Variants in NLRC3 observed in about 807,000 individuals in gnomAD.
NLRC3 encodes NLR family CARD domain containing 3, also known as NLR family CARD domain-containing protein 3.
Under a neutral mutation model 91.6 loss-of-function variants are expected in NLRC3, and 87 were observed. The observed-to-expected ratio is 0.95, with a 90% CI of 0.80 to 1.14. The LOEUF is 1.14. Ranked by LOEUF, NLRC3 falls within the 50% of genes most tolerant of loss-of-function variation. The pLI is 0.00. For synonymous variants in NLRC3, 694 were observed against 625.3 expected, an observed-to-expected ratio of 1.11 and a Z score of -1.64; for missense variants, 1,577 against 1,418.6, an observed-to-expected ratio of 1.11 and a Z score of -1.79.
chr16:3,562,216 G>A (rs1207623376), intron 5 of NLRC3, among the ~76,000 whole-genome samples: 2 of 152,220 alleles, frequency 1.3e-5, no homozygotes, highest in Admixed American at 1.3e-4. Flanking sequence ...AAGATATGAA[G>A]TCCTAACCCC....
At position 3,577,346 on chromosome 16, in the gene NLRC3, C is replaced by T; in HGVS notation, c.-366G>A. On this transcript the variant is annotated 5_prime_UTR_variant, in exon 1 of 20. Transcript: ENST00000359128. ...CAACCAACCGTGTGGGGGCCGAGAG[C>T]AGTGCAGCCCCGACCTTCTGCAGCC... 1.6e-6 allele frequency: 1 copy of T among 611,170 alleles called. No individual in the cohort carries two copies. The highest frequency in any genetic ancestry group is 2.7e-5 in the Admixed American group (1 of 36,734). The allele number at this position is 611,170 out of a possible 1,614,324, so 37.9% of individuals were successfully genotyped here.
chr16:3,572,789 G>C (rs2040145084), intron 1 of NLRC3, among the ~76,000 whole-genome samples: 1 of 152,106 alleles, frequency 6.6e-6, no homozygotes, highest in African/African-American at 2.4e-5. Context: ...AAGGCAGGCA[G>C]ATCATCTGAG....
rs1298603894 is a variant in NLRC3 at position 3,539,701 on chromosome 16, T to A, written c.*2124A>T. 1.3e-5 allele frequency: 2 copies of A among 152,226 alleles called. No homozygotes were observed. The highest frequency in any genetic ancestry group is 4.8e-5 in the African/African-American group (2 of 41,464). 9.4% of individuals were successfully genotyped at this position (152,226 alleles called of 1,614,324 possible). ...AATCTCTGCCCCGCAAAAACTGTCA[T>A]AAATACTGCAAGACCCATGTTCAGA... is the stretch of plus-strand genomic sequence containing the variant. On this transcript the variant is annotated 3_prime_UTR_variant, in exon 20 of 20. Coordinates refer to ENST00000359128, the MANE Select transcript of NLRC3 (RefSeq NM_178844.4).
chr16:3,575,804 C>T (rs942237191), intron 1 of NLRC3, among the ~76,000 whole-genome samples: 1 of 152,216 alleles, frequency 6.6e-6, no homozygotes, highest in Non-Finnish European at 1.5e-5. Context: ...TGCCACTTGG[C>T]GCCCGGGTGG....
intron 13 of NLRC3, among the ~76,000 whole-genome samples, 182 bp downstream of exon 13, chr16:3,548,960 G>T (rs146843561): frequency 6.6e-6 from 1 of 152,168 alleles, no homozygotes; most frequent in African/African-American, 2.4e-5. Context: ...CCTCACCCTC[G>T]TGCAGTTTAC....
rs371628226 is a variant in NLRC3 at position 3,563,141 on chromosome 16, G to A, written c.1796C>T (p.Ala599Val). 87 of 1,586,808 alleles carry A rather than the reference G, an allele frequency of 5.5e-5. No individual in the cohort carries two copies. Among genetic ancestry groups the A allele is most frequent in the East Asian group, 3.7e-4 (16 of 43,788 alleles). Residue 599 changes from alanine (A) to valine (V), a missense_variant, in exon 5 of 20, where the codon GCG becomes GTG. Coordinates refer to ENST00000359128, the MANE Select transcript of NLRC3 (RefSeq NM_178844.4). ...GAGGTAGGCCAGGGCAGCGCGGTGC[G>A]CGGGACCAGTCAGCCTGGCCAGGGC... ...SGALARLTGP[A>V]HRAALAYLLQ...
Position 3,544,518 on chromosome 16 carries a change from C to T in NLRC3, c.2772-189G>A, listed in dbSNP as rs1398511813. ...CCGCCTCATACTAAGCACACAGAGGCGTCTGGGGCCTGCATGAGTCTGAAC... is the reference window on the plus strand; with the variant it reads ...CCGCCTCATACTAAGCACACAGAGGTGTCTGGGGCCTGCATGAGTCTGAAC... On this transcript the variant is annotated intron_variant, in intron 15 of 19. Transcript: ENST00000359128. The T allele has an allele frequency of 2.2e-5, 13 of 581,866 alleles. 1 individual carries two copies. The highest frequency in any genetic ancestry group is 1.0e-4 in the South Asian group (5 of 49,540). 36.0% of individuals were successfully genotyped at this position (581,866 alleles called of 1,614,324 possible).
Position 3,549,128 on chromosome 16 carries a change from C to G in NLRC3, c.2603+14G>C. On this transcript the variant is annotated intron_variant, in intron 13 of 19. Coordinates refer to ENST00000359128, the MANE Select transcript of NLRC3 (RefSeq NM_178844.4). Reference sequence around the variant, plus strand: ...CATGAACAGCCTGTGGAGTCACAGGCCCCCACCACGTACTCCAGGTTCTTC... The same window carrying G: ...CATGAACAGCCTGTGGAGTCACAGGGCCCCACCACGTACTCCAGGTTCTTC... 1 of 1,548,432 alleles carries G rather than the reference C, an allele frequency of 6.5e-7. No homozygotes were observed. Among genetic ancestry groups the G allele is most frequent in the Non-Finnish European group, 8.8e-7 (1 of 1,139,900 alleles).
At position 3,550,415 on chromosome 16, in the gene NLRC3, C is replaced by T. The variant is rs894322624; in HGVS notation, c.2434G>A (p.Asp812Asn). The change falls in exon 11 of 20, where the codon GAC becomes AAC. Residue 812 changes from aspartate to asparagine, a missense_variant and splice_region_variant. By Grantham distance (23) the Asp-to-Asn change is conservative. Transcript: ENST00000359128. ...CGTCACCCTGGCAGGTGGACTCACT[C>T]CAGGCTCTCCAGGCCCTGGTTCACC... ...LKVNQGLESL[D>N]LQSNSISDAG... The T allele has an allele frequency of 6.2e-7, 1 of 1,607,514 alleles. No homozygotes were observed. Among genetic ancestry groups the T allele is most frequent in the Non-Finnish European group, 8.5e-7 (1 of 1,174,028 alleles).
intron 9 of NLRC3, among the ~76,000 whole-genome samples, chr16:3,553,415 G>A (rs534193558): frequency 1.3e-5 from 2 of 152,196 alleles, no homozygotes; most frequent in African/African-American, 4.8e-5. Flanking sequence ...AAGTACCTGC[G>A]TGTCATAGAG....
At chr16:3,568,420 G>A (rs2039966925) in intron 1 of NLRC3, among the ~76,000 whole-genome samples, 1 of 152,048 alleles carries the variant, frequency 6.6e-6, no homozygotes, top group Admixed American at 6.6e-5. Context: ...AAACCAAGAG[G>A]GATAAAAAAT....
Position 3,543,507 on chromosome 16 carries a change from G to C in NLRC3, c.2857C>G (p.Leu953Val), listed in dbSNP as rs2038517710. The C allele has an allele frequency of 6.2e-7, 1 of 1,611,490 alleles. No homozygotes were observed. Among genetic ancestry groups the C allele is most frequent in the Non-Finnish European group, 8.5e-7 (1 of 1,178,920 alleles). ...KVNTALTALY[L>V]QVASIGASGA... ...GAAGCACCAATTGAGGCCACCTGGAGACTGGGGCGGAGAGGGTGCCGTCAG... is the reference window on the plus strand; with the variant it reads ...GAAGCACCAATTGAGGCCACCTGGACACTGGGGCGGAGAGGGTGCCGTCAG... The change falls in exon 17 of 20, where the codon CTC (leucine) becomes GTC (valine). Residue 953 changes from leucine (L) to valine (V), a missense_variant and splice_region_variant. Physicochemically the swap from Leu to Val is conservative, Grantham distance 32 (BLOSUM62 1). Coordinates refer to ENST00000359128, the MANE Select transcript of NLRC3 (RefSeq NM_178844.4).
At chr16:3,562,935 G>T in intron 5 of NLRC3, 74 bp downstream of exon 5, 1 of 1,319,646 alleles carries the variant, frequency 7.6e-7, no homozygotes, top group Non-Finnish European at 1.1e-6. Flanking sequence ...GAGAAGCTTG[G>T]TGGTGGGGAG....
rs1238570319 is a variant in NLRC3, at chr16:3,557,529, C to T, written c.2099+64G>A. 39 of 1,005,388 alleles carry T rather than the reference C, an allele frequency of 3.9e-5. No homozygotes were observed. The Admixed American group carries it at 7.4e-4, about 19-fold the overall frequency. 62.3% of individuals were successfully genotyped at this position (1,005,388 alleles called of 1,614,324 possible). A position where few individuals can be genotyped will look rare whatever the true frequency, so the allele number is the denominator to read the frequency against. ...ATTTCCTAGGAGGGAGGGGACTTCA[C>T]AAGATGCCTCACAACTCTTCTGGTT... On this transcript the variant is annotated intron_variant, in intron 7 of 19. Coordinates refer to ENST00000359128, the MANE Select transcript of NLRC3 (RefSeq NM_178844.4).
At chr16:3,542,509 G>T (rs529482296) in intron 18 of NLRC3, among the ~76,000 whole-genome samples, 183 bp downstream of exon 18, 1 of 152,212 alleles carries the variant, frequency 6.6e-6, no homozygotes, top group Non-Finnish European at 1.5e-5. Flanking sequence ...AGTGACTTCT[G>T]ACTGAAGCTA....
intron 11 of NLRC3, 81 bp downstream of exon 11, chr16:3,550,333 A>T: frequency 1.1e-6 from 1 of 880,932 alleles, no homozygotes; most frequent in Non-Finnish European, 1.9e-6. Flanking sequence ...CCTGGGGGAC[A>T]GCCATTTTTC....
chr16:3,563,854 G>A lies in NLRC3; in HGVS notation c.1083C>T (p.Cys361=), dbSNP rs1437151351. 7.5e-6 allele frequency: 12 copies of A among 1,605,382 alleles called. No individual in the cohort carries two copies. The highest frequency in any genetic ancestry group is 6.7e-5 in the African/African-American group (5 of 74,758). ...DAELWPPRTL[C]ELYSWYFRMA... ...TCCTAAAGTACCATGAGTAGAGCTC[G>A]CACAGGGTCCTCGGGGGCCACAGCT... is the stretch of plus-strand genomic sequence containing the variant. The change falls in exon 5 of 20, where the codon TGC becomes TGT. Residue 361 remains cysteine (C), a synonymous_variant. Coordinates refer to ENST00000359128, the MANE Select transcript of NLRC3 (RefSeq NM_178844.4).
chr16:3,544,773 G>T (rs549347649), intron 15 of NLRC3: 1 of 177,910 alleles, frequency 5.6e-6, no homozygotes, highest in Non-Finnish European at 1.2e-5. Context: ...CCAGGCTCAA[G>T]CGATCCTCCC....
At position 3,543,430 on chromosome 16, in the gene NLRC3, A is replaced by G; in HGVS notation, c.2934T>C (p.Ile978=). The stretch of plus-strand genomic sequence containing the variant: ...ATGGAGACTGGAATACTTACTCGAG[A>G]ATCTCCAAGGTTCTGTTCACAGCCA... ...EALAVNRTLE[I]LDLRGNAIGV... Residue 978 remains isoleucine (I), a synonymous_variant, in exon 17 of 20, where the codon ATT becomes ATC. Transcript: ENST00000359128. 6.2e-7 allele frequency: 1 copy of G among 1,609,904 alleles called. No individual in the cohort carries two copies. Among genetic ancestry groups the G allele is most frequent in the Non-Finnish European group, 8.5e-7 (1 of 1,177,000 alleles).
Sources: gnomAD v4.1 joint callset for allele counts (sites outside exome capture counted in the v4.1 genomes callset) on GRCh38, gnomAD v4.1.1 for gene constraint, MANE v1.5 for transcripts, NCBI Gene and HGNC (gene_info 2026-07-23, HGNC 2026-07-21) for gene names.